Variants in NSUN3 observed in about 807,000 individuals in gnomAD.
NSUN3 encodes the protein NOP2/Sun RNA methyltransferase 3, also known as tRNA (cytosine(34)-C(5))-methyltransferase, mitochondrial.
NSUN3 carries 24 observed loss-of-function variants against 36.8 expected under a neutral mutation model. The observed-to-expected ratio is 0.65, with a 90% CI of 0.47 to 0.92. NSUN3 has a LOEUF of 0.92. Among genes scored for constraint, NSUN3 ranks in the 40% least tolerant of loss-of-function variants. The pLI, the probability that NSUN3 is intolerant of heterozygous loss-of-function variation, is 0.00. For missense variants in NSUN3, 381 were observed against 392.8 expected, an observed-to-expected ratio of 0.97 and a Z score of 0.25; for synonymous variants, 146 against 145.2, an observed-to-expected ratio of 1.01 and a Z score of -0.04.
chr3:94,080,518 T>A (rs1308279169), intron 2 of NSUN3, among the ~76,000 whole-genome samples: 1 of 152,194 alleles, frequency 6.6e-6, no homozygotes, highest in East Asian at 1.9e-4. Context: ...CAGCCGCCCC[T>A]TTCCCCAGGT....
chr3:94,075,731 C>T (rs1256287713), intron 2 of NSUN3, among the ~76,000 whole-genome samples: 1 of 122,986 alleles, frequency 8.1e-6, no homozygotes, highest in African/African-American at 3.1e-5. Flanking sequence ...CTGAATCAAG[C>T]CCCCCCCCCC....
At chr3:94,112,591 A>T (rs775498060) in intron 5 of NSUN3, among the ~76,000 whole-genome samples, 2 of 152,230 alleles carry the variant, frequency 1.3e-5, no homozygotes, top group Non-Finnish European at 2.9e-5. Context: ...CAGGGTGGCT[A>T]TCCCAGTTCT....
In NSUN3 at chr3:94,127,329, A is replaced by G. The variant is rs964207799; in HGVS notation, c.*839A>G. ...CATAATTGCAGTCATAATGAGCACTACAGAATCTGATTATCTTACATTCAC... is the reference window on the plus strand; with the variant it reads ...CATAATTGCAGTCATAATGAGCACTGCAGAATCTGATTATCTTACATTCAC... On this transcript the variant is annotated 3_prime_UTR_variant, in exon 6 of 6. Coordinates refer to ENST00000314622, the MANE Select transcript of NSUN3 (RefSeq NM_022072.5). 3 of 152,308 alleles carry G rather than the reference A, an allele frequency of 2.0e-5. No individual in the cohort carries two copies. Among genetic ancestry groups the G allele is most frequent in the African/African-American group, 7.2e-5 (3 of 41,564 alleles). 9.4% of individuals were successfully genotyped at this position (152,308 alleles called of 1,614,324 possible).
intron 2 of NSUN3, among the ~76,000 whole-genome samples, chr3:94,065,867 A>G (rs974443833): frequency 6.6e-6 from 1 of 152,310 alleles, no homozygotes; most frequent in Admixed American, 6.5e-5. Context: ...CACTTATTGC[A>G]TGTTTACTAT....
chr3:94,119,243 C>T lies in NSUN3; in HGVS notation c.744-6968C>T, dbSNP rs1259290236. 2.0e-5 allele frequency among the ~76,000 whole-genome samples: 3 copies of T among 152,072 alleles called. No individual in the cohort carries two copies. In the South Asian group the frequency reaches 6.2e-4, roughly 32 times the overall value. Reference sequence around the variant, plus strand: ...TTTAATTTTGATTGGAAAACAAAGACCAGAAATACTGGTTTTTAAATCATT... The same window carrying T: ...TTTAATTTTGATTGGAAAACAAAGATCAGAAATACTGGTTTTTAAATCATT... On this transcript the variant is annotated intron_variant, in intron 5 of 5. Coordinates refer to ENST00000314622, the MANE Select transcript of NSUN3 (RefSeq NM_022072.5).
intron 2 of NSUN3, among the ~76,000 whole-genome samples, chr3:94,072,931 C>T (rs2077230048): frequency 1.3e-5 from 2 of 152,056 alleles, no homozygotes; most frequent in Non-Finnish European, 2.9e-5. Flanking sequence ...TTAGGTATTT[C>T]TCCTAATGCT....
chr3:94,073,548 G>A (rs1202786908), intron 2 of NSUN3, among the ~76,000 whole-genome samples: 1 of 152,152 alleles, frequency 6.6e-6, no homozygotes, highest in Non-Finnish European at 1.5e-5. Flanking sequence ...TTTCTCTAAT[G>A]ACCAGTGATG....
At chr3:94,100,922 A>G (rs376869185) in intron 5 of NSUN3, among the ~76,000 whole-genome samples, 28 of 152,122 alleles carry the variant, frequency 1.8e-4, no homozygotes, top group African/African-American at 6.8e-4. Flanking sequence ...CTAATCTGGC[A>G]CATTTTTATG....
intron 2 of NSUN3, among the ~76,000 whole-genome samples, chr3:94,079,565 A>G (rs2077259993): frequency 6.6e-6 from 1 of 152,146 alleles, no homozygotes; most frequent in African/African-American, 2.4e-5. Flanking sequence ...AGGTACACCA[A>G]TCAAATGTAG....
chr3:94,087,724 G>T (rs1488928050), intron 3 of NSUN3, among the ~76,000 whole-genome samples: 2 of 152,186 alleles, frequency 1.3e-5, no homozygotes, highest in Non-Finnish European at 2.9e-5. Context: ...AGGCTGGAGT[G>T]CAGTGGTGCG....
chr3:94,117,590 G>T (rs1444300135), intron 5 of NSUN3, among the ~76,000 whole-genome samples: 1 of 152,162 alleles, frequency 6.6e-6, no homozygotes, highest in Non-Finnish European at 1.5e-5. Context: ...AAGATTTGGG[G>T]AAAGTTGTAT....
intron 2 of NSUN3, among the ~76,000 whole-genome samples, chr3:94,070,393 C>T (rs1466196252): frequency 1.3e-5 from 2 of 151,886 alleles, no homozygotes; most frequent in Non-Finnish European, 2.9e-5. Flanking sequence ...TCCAGGAGGT[C>T]GAGGCTTCAC....
intron 5 of NSUN3, among the ~76,000 whole-genome samples, chr3:94,124,627 C>T (rs2077477808): frequency 6.6e-6 from 1 of 152,114 alleles, no homozygotes. Context: ...TTAGGGCCCA[C>T]TTTAATGAAC....
intron 5 of NSUN3, among the ~76,000 whole-genome samples, chr3:94,114,235 G>A (rs960151456): frequency 6.6e-6 from 1 of 152,082 alleles, no homozygotes; most frequent in Non-Finnish European, 1.5e-5. Flanking sequence ...CATAGTATTT[G>A]CTTCAGGGCA....
intron 2 of NSUN3, among the ~76,000 whole-genome samples, chr3:94,073,335 G>A (rs1055238039): frequency 6.6e-6 from 1 of 152,140 alleles, no homozygotes. Flanking sequence ...GGATTGCTGG[G>A]TCAAATGGTA....
intron 2 of NSUN3, 29 bp downstream of exon 2, chr3:94,064,575 G>T: frequency 7.4e-7 from 1 of 1,345,844 alleles, no homozygotes; most frequent in South Asian, 1.2e-5. Flanking sequence ...GATGCTTTAT[G>T]ATGGAACAAA....
At chr3:94,075,365 A>G (rs1031406210) in intron 2 of NSUN3, among the ~76,000 whole-genome samples, 2 of 152,180 alleles carry the variant, frequency 1.3e-5, no homozygotes, top group Non-Finnish European at 2.9e-5. Flanking sequence ...AGGAACATGT[A>G]GTTTTGACTT....
intron 3 of NSUN3, among the ~76,000 whole-genome samples, chr3:94,088,810 T>G (rs2077303474): frequency 6.6e-6 from 1 of 151,888 alleles, no homozygotes. Context: ...GTAGCTGGGA[T>G]TATAGGCACA....
At chr3:94,075,145 T>C (rs2077241128) in intron 2 of NSUN3, among the ~76,000 whole-genome samples, 1 of 152,110 alleles carries the variant, frequency 6.6e-6, no homozygotes, top group African/African-American at 2.4e-5. Flanking sequence ...TTAAAACAAA[T>C]ACAAGTTATT....
Sources: allele counts gnomAD v4.1 joint callset (sites outside exome capture counted in the v4.1 genomes callset), GRCh38; gene constraint gnomAD v4.1.1; transcripts MANE v1.5; gene names NCBI Gene and HGNC (gene_info 2026-07-23, HGNC 2026-07-21).